Variants in MSH3 observed in about 807,000 individuals in gnomAD.
MSH3 encodes mutS homolog 3, also known as DNA mismatch repair protein Msh3.
In MSH3, 106 loss-of-function variants were observed where a neutral mutation model predicts 123.3. That is an observed-to-expected ratio of 0.86 (90% confidence interval 0.73 to 1.01). MSH3 has a LOEUF of 1.01. Ranked by LOEUF, MSH3 falls within the 50% of genes least tolerant of loss-of-function variation. The probability of loss-of-function intolerance (pLI) is 0.00; values close to 1 mark genes in which losing one functional copy is unlikely to be tolerated. For missense variants in MSH3, 1,459 were observed against 1,347.6 expected (o/e 1.08, Z -1.29); for synonymous variants, 515 against 481.4 (o/e 1.07, Z -0.91).
chr5:80,793,003 G>T (rs1744635769), intron 19 of MSH3, among the ~76,000 whole-genome samples, 159 bp downstream of exon 19: 2 of 152,136 alleles, frequency 1.3e-5, no homozygotes. Flanking sequence ...ATGTGGAATT[G>T]GTGCTATTTC....
intron 20 of MSH3, among the ~76,000 whole-genome samples, chr5:80,837,822 G>T (rs994997852): frequency 6.6e-6 from 1 of 152,194 alleles, no homozygotes; most frequent in East Asian, 1.9e-4. Context: ...TGTGGTTAAG[G>T]TATTGGCCAG....
At chr5:80,670,717 C>G (rs969394766) in intron 4 of MSH3, among the ~76,000 whole-genome samples, 2 of 152,258 alleles carry the variant, frequency 1.3e-5, no homozygotes, top group African/African-American at 4.8e-5. Flanking sequence ...TAGCCAGGAA[C>G]AAAGTTAAGT....
chr5:80,833,152 G>C (rs1056991166), intron 20 of MSH3, among the ~76,000 whole-genome samples: 1 of 151,996 alleles, frequency 6.6e-6, no homozygotes, highest in African/African-American at 2.4e-5. Context: ...GGAGTAGGGG[G>C]ATTAGAAAGA....
intron 8 of MSH3, among the ~76,000 whole-genome samples, chr5:80,687,463 G>T (rs1312989447): frequency 6.6e-6 from 1 of 152,150 alleles, no homozygotes; most frequent in East Asian, 1.9e-4. Context: ...TCAATTTTGC[G>T]TTCAAAGAAA....
intron 8 of MSH3, among the ~76,000 whole-genome samples, chr5:80,710,541 A>G (rs1268790858): frequency 6.6e-6 from 1 of 152,172 alleles, no homozygotes; most frequent in Non-Finnish European, 1.5e-5. Flanking sequence ...TTATGAAGGT[A>G]TTTCTTTACA....
chr5:80,869,831 T>TACAC (rs1375132984), intron 22 of MSH3, among the ~76,000 whole-genome samples: 1 of 48,816 alleles, frequency 2.0e-5, no homozygotes, highest in East Asian at 1.2e-3. Flanking sequence ...TATACATATA[T>TACAC]ACATATATAT....
chr5:80,853,373 G>A (rs527531493), intron 20 of MSH3, among the ~76,000 whole-genome samples: 7 of 152,088 alleles, frequency 4.6e-5, no homozygotes, highest in Non-Finnish European at 8.8e-5. Flanking sequence ...TACTTGGGAG[G>A]CTGAGGCTAT....
chr5:80,692,865 A>G (rs1389616550), intron 8 of MSH3, among the ~76,000 whole-genome samples: 3 of 108,990 alleles, frequency 2.8e-5, no homozygotes, highest in African/African-American at 6.8e-5. Flanking sequence ...GCACATGTAT[A>G]TGTTTAGATA....
At chr5:80,836,202 A>G (rs1297680779) in intron 20 of MSH3, among the ~76,000 whole-genome samples, 1 of 152,196 alleles carries the variant, frequency 6.6e-6, no homozygotes, top group African/African-American at 2.4e-5. Flanking sequence ...ACTTCTTTTC[A>G]TTTTAAACTT....
At position 80,798,971 on chromosome 5, in the gene MSH3, C is replaced by T. The variant is rs138415852; in HGVS notation, c.2655+6127C>T. ...CTTTGCTCTGTTTTTAAAGCTCTCA[C>T]ATACTACTTTTGTTACACAAGTGTA... On this transcript the variant is annotated intron_variant, in intron 19 of 23. Transcript: ENST00000265081. 2.7e-3 allele frequency among the ~76,000 whole-genome samples: 410 copies of T among 152,344 alleles called. 4 individuals carry two copies. Among genetic ancestry groups the T allele is most frequent in the African/African-American group, 9.5e-3 (393 of 41,568 alleles).
chr5:80,819,354 G>GTA (rs1390527545), intron 20 of MSH3, among the ~76,000 whole-genome samples: 3 of 131,972 alleles, frequency 2.3e-5, no homozygotes, highest in East Asian at 2.2e-4. Flanking sequence ...GTATATATAT[G>GTA]TATATATATG....
chr5:80,844,058 A>T (rs1401718569), intron 20 of MSH3, among the ~76,000 whole-genome samples: 1 of 151,946 alleles, frequency 6.6e-6, no homozygotes, highest in African/African-American at 2.4e-5. Flanking sequence ...TTCCCTCTAC[A>T]CACTGCTTTA....
intron 8 of MSH3, among the ~76,000 whole-genome samples, chr5:80,717,422 A>C (rs910246272): frequency 6.6e-6 from 1 of 152,086 alleles, no homozygotes; most frequent in Non-Finnish European, 1.5e-5. Flanking sequence ...GCACTCCACC[A>C]TGCCCAGCTA....
chr5:80,792,703 A>C (rs988401632), intron 18 of MSH3, 30 bp from the exon 19 acceptor site: 1 of 1,330,736 alleles, frequency 7.5e-7, no homozygotes, highest in Admixed American at 1.7e-5. Flanking sequence ...TTCCATGCCT[A>C]GTAAATTGAA....
At chr5:80,666,465 A>G (rs571495744) in intron 3 of MSH3, among the ~76,000 whole-genome samples, 1 of 152,292 alleles carries the variant, frequency 6.6e-6, no homozygotes, top group South Asian at 2.1e-4. Context: ...ATCTTAGATC[A>G]TCAAGAAAAA....
At chr5:80,720,144 A>T (rs1328889059) in intron 8 of MSH3, among the ~76,000 whole-genome samples, 1 of 152,192 alleles carries the variant, frequency 6.6e-6, no homozygotes, top group Admixed American at 6.5e-5. Context: ...TCTGTAGGGT[A>T]AAACATTGCG....
chr5:80,837,798 GGGTTGTGTGA>G (rs1745543418), intron 20 of MSH3, among the ~76,000 whole-genome samples: 1 of 152,182 alleles, frequency 6.6e-6, no homozygotes, highest in African/African-American at 2.4e-5. Flanking sequence ...AGCTTAGCTA[GGGTTGTGTGA>G]GGCTGTGGTT....
chr5:80,680,293 T>G (rs1412429756), intron 8 of MSH3, among the ~76,000 whole-genome samples: 2 of 152,002 alleles, frequency 1.3e-5, no homozygotes, highest in Non-Finnish European at 2.9e-5. Context: ...ACTGATTGAT[T>G]AAGTGAAGTT....
intron 20 of MSH3, among the ~76,000 whole-genome samples, chr5:80,841,387 C>T (rs1412579648): frequency 6.6e-6 from 1 of 152,152 alleles, no homozygotes; most frequent in Non-Finnish European, 1.5e-5. Flanking sequence ...GTCTTTATAG[C>T]AGCATGATTT....
Sources: allele counts gnomAD v4.1 joint callset (sites outside exome capture counted in the v4.1 genomes callset), GRCh38; gene constraint gnomAD v4.1.1; transcripts MANE v1.5; gene names NCBI Gene and HGNC (gene_info 2026-07-23, HGNC 2026-07-21).